SPSB4: variants seen among roughly 807,000 people sequenced by gnomAD.
The protein encoded by SPSB4 is SPRY domain-containing SOCS box protein 4.
SPSB4 carries 21 observed loss-of-function variants against 20.9 expected under a neutral mutation model. The observed-to-expected ratio is 1.01, with a 90% CI of 0.71 to 1.45. The LOEUF (loss-of-function observed/expected upper bound fraction) is 1.45, where lower values mean the gene tolerates loss of function less well. Among genes scored for constraint, SPSB4 ranks in the 40% most tolerant of loss-of-function variants. The pLI is 0.00. For synonymous variants in SPSB4, 207 were observed against 183.8 expected (o/e 1.13, Z -1.02); for missense variants, 399 against 399.2 (o/e 1.00, Z 0.00).
chr3:141,140,230 T>C (rs1219660479), intron 2 of SPSB4, among the ~76,000 whole-genome samples: 1 of 152,152 alleles, frequency 6.6e-6, no homozygotes, highest in African/African-American at 2.4e-5. Context: ...TAGTTATCCA[T>C]TCGTCTAATT....
intron 2 of SPSB4, among the ~76,000 whole-genome samples, chr3:141,116,501 CCA>C (rs1445600763): frequency 6.6e-6 from 1 of 152,166 alleles, no homozygotes. Context: ...GACCATCATC[CCA>C]CTTCTTCATG....
At chr3:141,143,017 C>T (rs62283606) in intron 2 of SPSB4, among the ~76,000 whole-genome samples, 13 of 151,914 alleles carry the variant, frequency 8.6e-5, no homozygotes, top group East Asian at 1.9e-4. Flanking sequence ...GGGGTTTCAC[C>T]GTGTTAGCCA....
chr3:141,131,962 T>A (rs1369994154), intron 2 of SPSB4, among the ~76,000 whole-genome samples: 1 of 152,262 alleles, frequency 6.6e-6, no homozygotes, highest in Non-Finnish European at 1.5e-5. Context: ...CATCAGCACT[T>A]AATACTATCT....
Position 141,062,181 on chromosome 3 carries a change from T to C in SPSB4, c.-153-3771T>C, listed in dbSNP as rs1019684655. On this transcript the variant is annotated intron_variant, in intron 1 of 2. Transcript: ENST00000310546. ...CGGTTAGGTCAGGTATTTTGTGGGATGGCCTCCAGATGGAATTTGTCCTTT... is the reference window on the plus strand; with the variant it reads ...CGGTTAGGTCAGGTATTTTGTGGGACGGCCTCCAGATGGAATTTGTCCTTT... 3.3e-5 allele frequency among the ~76,000 whole-genome samples: 5 copies of C among 152,344 alleles called. 1 individual carries two copies.
intron 2 of SPSB4, among the ~76,000 whole-genome samples, chr3:141,103,027 C>T (rs1460840312): frequency 6.6e-6 from 1 of 152,202 alleles, no homozygotes; most frequent in African/African-American, 2.4e-5. Context: ...AGGAATGGCT[C>T]CCAAGTGGCC....
chr3:141,090,245 G>A (rs748207184), intron 2 of SPSB4, among the ~76,000 whole-genome samples: 19 of 152,176 alleles, frequency 1.2e-4, no homozygotes, highest in Non-Finnish European at 2.2e-4. Context: ...CCTACTACAT[G>A]CCAAGCACTA....
At chr3:141,130,989 A>G (rs1382445213) in intron 2 of SPSB4, among the ~76,000 whole-genome samples, 1 of 152,232 alleles carries the variant, frequency 6.6e-6, no homozygotes, top group Non-Finnish European at 1.5e-5. Context: ...GTTGTCAATT[A>G]GGATGATGTA....
At chr3:141,129,920 G>A (rs1383134971) in intron 2 of SPSB4, among the ~76,000 whole-genome samples, 3 of 152,230 alleles carry the variant, frequency 2.0e-5, no homozygotes, top group African/African-American at 7.2e-5. Context: ...CCTGGGCTGT[G>A]GGGACCATCT....
At chr3:141,091,502 C>T (rs1019489667) in intron 2 of SPSB4, among the ~76,000 whole-genome samples, 2 of 152,114 alleles carry the variant, frequency 1.3e-5, no homozygotes, top group East Asian at 1.9e-4. Flanking sequence ...TATTTTTGAC[C>T]GTCAAAACTG....
At chr3:141,144,353 T>A (rs879441078) in intron 2 of SPSB4, among the ~76,000 whole-genome samples, 1 of 152,234 alleles carries the variant, frequency 6.6e-6, no homozygotes, top group Non-Finnish European at 1.5e-5. Context: ...TTTTTCGGTT[T>A]TATCTTTAGT....
intron 2 of SPSB4, among the ~76,000 whole-genome samples, chr3:141,067,668 C>T (rs1277940595): frequency 6.6e-6 from 1 of 152,170 alleles, no homozygotes; most frequent in Admixed American, 6.5e-5. Context: ...GAGGGAGTCA[C>T]TCAGGGAGAC....
At chr3:141,058,097 G>A (rs902246610) in intron 1 of SPSB4, among the ~76,000 whole-genome samples, 4 of 152,150 alleles carry the variant, frequency 2.6e-5, no homozygotes, top group Non-Finnish European at 5.9e-5. Context: ...GGCATTTCAC[G>A]CAGTCACTAC....
At chr3:141,087,606 TG>T (rs1938369957) in intron 2 of SPSB4, among the ~76,000 whole-genome samples, 1 of 152,174 alleles carries the variant, frequency 6.6e-6, no homozygotes, top group Non-Finnish European at 1.5e-5. Context: ...GTGTGTGTGA[TG>T]TACCCATTTT....
At chr3:141,067,096 G>C (rs1376214519) in intron 2 of SPSB4, among the ~76,000 whole-genome samples, 2 of 152,184 alleles carry the variant, frequency 1.3e-5, no homozygotes, top group African/African-American at 4.8e-5. Context: ...GAAGTGCTCA[G>C]AACAGTGACT....
At chr3:141,091,341 C>T (rs1231778510) in intron 2 of SPSB4, among the ~76,000 whole-genome samples, 1 of 152,200 alleles carries the variant, frequency 6.6e-6, no homozygotes, top group African/African-American at 2.4e-5. Context: ...TGAGCATTGT[C>T]ATGGAGATTA....
In SPSB4 at chr3:141,066,292, TCAA is replaced by T. The variant is rs1327011262; in HGVS notation, c.190_192del (p.Asn64del). On this transcript the variant is annotated inframe_deletion, in exon 2 of 3. Coordinates refer to ENST00000310546, the MANE Select transcript of SPSB4 (RefSeq NM_080862.3). Reference sequence around the variant, plus strand: ...GCGTGGAACCCCGAGGACCGCTCGCTCAACGTCTTCGTCAAGGACGACGACCGG... The same window carrying T: ...GCGTGGAACCCCGAGGACCGCTCGCTCGTCTTCGTCAAGGACGACGACCGG... 3 of 1,570,068 alleles carry T rather than the reference TCAA, an allele frequency of 1.9e-6. No individual in the cohort carries two copies. In the Admixed American group the frequency reaches 5.5e-5, roughly 29 times the overall value.
In SPSB4 at chr3:141,096,415, C is replaced by G. The variant is rs184626510; in HGVS notation, c.694+29617C>G. On this transcript the variant is annotated intron_variant, in intron 2 of 2. Transcript: ENST00000310546. Reference sequence around the variant, plus strand: ...TAATTGAACAGCCAGCTCATATTGACCAGTCTCAGAGAACTTGTGACTTTC... The same window carrying G: ...TAATTGAACAGCCAGCTCATATTGAGCAGTCTCAGAGAACTTGTGACTTTC... 1.5e-3 allele frequency among the ~76,000 whole-genome samples: 228 copies of G among 152,346 alleles called. 1 individual carries two copies. Among genetic ancestry groups the G allele is most frequent in the Non-Finnish European group, 2.7e-3 (185 of 68,028 alleles).
chr3:141,119,639 G>A (rs1290998708), intron 2 of SPSB4, among the ~76,000 whole-genome samples: 1 of 152,070 alleles, frequency 6.6e-6, no homozygotes, highest in African/African-American at 2.4e-5. Context: ...GTCATAAATA[G>A]CTCTTATTAT....
At chr3:141,130,436 A>G (rs970816885) in intron 2 of SPSB4, among the ~76,000 whole-genome samples, 1 of 152,280 alleles carries the variant, frequency 6.6e-6, no homozygotes. Context: ...GTGTGCTTGC[A>G]CATGTGTGTG....
Sources: allele counts gnomAD v4.1 joint callset (sites outside exome capture counted in the v4.1 genomes callset), GRCh38; gene constraint gnomAD v4.1.1; transcripts MANE v1.5; gene names NCBI Gene and HGNC (gene_info 2026-07-23, HGNC 2026-07-21).